FREM2: variants seen among roughly 807,000 people sequenced by gnomAD.
The protein encoded by FREM2 is FRAS1-related extracellular matrix protein 2.
In FREM2, 119 loss-of-function variants were observed where a neutral mutation model predicts 219.9. That is an observed-to-expected ratio of 0.54 (90% CI 0.47 to 0.63). The LOEUF is 0.63. Among genes scored for constraint, FREM2 ranks in the 30% least tolerant of loss-of-function variants. The pLI is 0.00. For missense variants in FREM2, 4,030 were observed against 3,993.6 expected, an observed-to-expected ratio of 1.01 and a Z score of -0.25; for synonymous variants, 1,562 against 1,522.8, an observed-to-expected ratio of 1.03 and a Z score of -0.60.
chr13:38,694,284 G>A (rs965832390), intron 1 of FREM2, among the ~76,000 whole-genome samples: 3 of 152,132 alleles, frequency 2.0e-5, no homozygotes, highest in Non-Finnish European at 4.4e-5. Context: ...TGCTTATTAT[G>A]TGATGTGACT....
intron 2 of FREM2, among the ~76,000 whole-genome samples, chr13:38,722,760 TC>T (rs1258200878): frequency 4.0e-5 from 6 of 151,466 alleles, no homozygotes; most frequent in Non-Finnish European, 8.8e-5. Context: ...TTTTTTTTTT[TC>T]ATCCTACTGC....
At chr13:38,749,741 C>T (rs1229405260) in intron 2 of FREM2, among the ~76,000 whole-genome samples, 1 of 152,140 alleles carries the variant, frequency 6.6e-6, no homozygotes, top group East Asian at 1.9e-4. Flanking sequence ...AAACATTCCC[C>T]AAAGGGCAAA....
intron 6 of FREM2, among the ~76,000 whole-genome samples, chr13:38,793,080 T>C (rs1356389069): frequency 6.6e-6 from 1 of 152,218 alleles, no homozygotes; most frequent in Non-Finnish European, 1.5e-5. Flanking sequence ...AAATTTTTAT[T>C]TTACAATAAA....
At chr13:38,832,565 G>A (rs1266281924) in intron 6 of FREM2, among the ~76,000 whole-genome samples, 1 of 151,878 alleles carries the variant, frequency 6.6e-6, no homozygotes, top group African/African-American at 2.4e-5. Flanking sequence ...AAACTATGTA[G>A]TTTATTTTTA....
intron 2 of FREM2, among the ~76,000 whole-genome samples, chr13:38,717,290 T>A (rs927319989): frequency 6.6e-6 from 1 of 152,018 alleles, no homozygotes; most frequent in African/African-American, 2.4e-5. Context: ...CATGGAAGTA[T>A]ATAGAAGAAG....
chr13:38,691,203 T>A lies in FREM2; in HGVS notation c.3859T>A (p.Ser1287Thr), dbSNP rs772591273. 6 of 1,613,812 alleles carry A rather than the reference T, an allele frequency of 3.7e-6. No individual in the cohort carries two copies. The highest frequency in any genetic ancestry group is 5.1e-6 in the Non-Finnish European group (6 of 1,179,982). Residue 1287 changes from serine to threonine, a missense_variant, in exon 1 of 24, where the codon TCT becomes ACT. Ser to Thr is a moderately conservative substitution (Grantham distance 58, BLOSUM62 1). Transcript: ENST00000280481. ...GATTAAACTAACAGATGGGAAGCAC[T>A]CTGTGGAAAAGACGGTCCTCATTAT... ...FVIKLTDGKH[S>T]VEKTVLIIVI...
At chr13:38,802,621 C>G (rs1257417003) in intron 6 of FREM2, among the ~76,000 whole-genome samples, 1 of 152,166 alleles carries the variant, frequency 6.6e-6, no homozygotes, top group African/African-American at 2.4e-5. Flanking sequence ...TGTCTCTGCC[C>G]CTCCTTGGCA....
At chr13:38,801,982 G>A (rs1032295240) in intron 6 of FREM2, among the ~76,000 whole-genome samples, 11 of 152,092 alleles carry the variant, frequency 7.2e-5, no homozygotes, top group Non-Finnish European at 1.3e-4. Context: ...TGGTGATATC[G>A]GCAGGTTGGT....
intron 6 of FREM2, among the ~76,000 whole-genome samples, chr13:38,811,417 T>G (rs999079794): frequency 1.3e-5 from 2 of 152,062 alleles, no homozygotes; most frequent in South Asian, 2.1e-4. Context: ...GTTTTTTCTG[T>G]TTTTTGATGT....
chr13:38,867,722 G>A (rs1878022095), intron 16 of FREM2, among the ~76,000 whole-genome samples: 1 of 152,262 alleles, frequency 6.6e-6, no homozygotes, highest in Admixed American at 6.5e-5. Flanking sequence ...AGAACTGGGA[G>A]TTCTGATATC....
rs1878569559 is a variant in FREM2, at chr13:38,882,112, T to C, written c.*1325T>C. The stretch of plus-strand genomic sequence containing the variant: ...CATTCACCTCCCAAAGCCAAGGAAC[T>C]TGAGTGAGCTTCCTTGGCAAGCCTC... On this transcript the variant is annotated 3_prime_UTR_variant, in exon 24 of 24. Coordinates refer to ENST00000280481, the MANE Select transcript of FREM2 (RefSeq NM_207361.6). The C allele has an allele frequency of 2.0e-5, 3 of 152,168 alleles. No homozygotes were observed. In the South Asian group the frequency reaches 6.2e-4, roughly 32 times the overall value. The allele number at this position is 152,168 out of a possible 1,614,324, so 9.4% of individuals were successfully genotyped here. A position where few individuals can be genotyped will look rare whatever the true frequency, so the allele number is the denominator to read the frequency against.
rs200864241 is a variant in FREM2 at position 38,823,675 on chromosome 13, A to AAAT, written c.6020-22883_6020-22881dup. On this transcript the variant is annotated intron_variant, in intron 6 of 23. Coordinates refer to ENST00000280481, the MANE Select transcript of FREM2 (RefSeq NM_207361.6). The stretch of plus-strand genomic sequence containing the variant: ...CTCAAAATTCAGCTGCCAATAATTA[A>AAAT]AATAATAATAATAATAACTTATGGT... Among the ~76,000 whole-genome samples the AAAT allele has an allele frequency of 5.3e-3, 802 of 152,058 alleles. 36 individuals carry two copies. In the East Asian group the frequency reaches 0.11, roughly 20 times the overall value.
chr13:38,752,308 A>G (rs1012166305), intron 2 of FREM2, among the ~76,000 whole-genome samples: 2 of 152,212 alleles, frequency 1.3e-5, no homozygotes, highest in African/African-American at 4.8e-5. Flanking sequence ...ATAATGCTAT[A>G]TATGTCTTTT....
Position 38,691,758 on chromosome 13 carries a change from A to T in FREM2, c.4414A>T (p.Thr1472Ser), listed in dbSNP as rs1869877376. 3.7e-6 allele frequency: 6 copies of T among 1,614,034 alleles called. No individual in the cohort carries two copies. The East Asian group carries it at 1.3e-4, about 36-fold the overall frequency. Residue 1472 changes from threonine (T) to serine (S), a missense_variant, in exon 1 of 24, where the codon ACG becomes TCG. By Grantham distance (58) the Thr-to-Ser change is moderately conservative (BLOSUM62 1). Coordinates refer to ENST00000280481, the MANE Select transcript of FREM2 (RefSeq NM_207361.6). ...RAPMRGHLEC[T>S]DQPGVSITSF... Reference sequence around the variant, plus strand: ...TCCCATGCGAGGTCACCTGGAATGCACGGATCAGCCTGGTGTGTCCATCAC... The same window carrying T: ...TCCCATGCGAGGTCACCTGGAATGCTCGGATCAGCCTGGTGTGTCCATCAC...
intron 2 of FREM2, among the ~76,000 whole-genome samples, chr13:38,758,845 G>A (rs1042673222): frequency 6.6e-6 from 1 of 152,180 alleles, no homozygotes; most frequent in East Asian, 1.9e-4. Context: ...CTGTCTAAGA[G>A]AACAAGACTT....
At chr13:38,847,378 A>G (rs1022936030) in intron 7 of FREM2, among the ~76,000 whole-genome samples, 1 of 152,184 alleles carries the variant, frequency 6.6e-6, no homozygotes, top group Non-Finnish European at 1.5e-5. Context: ...TACACACATC[A>G]TGCATTCATC....
Position 38,861,498 on chromosome 13 carries a change from A to C in FREM2, c.7587A>C (p.Thr2529=). The change falls in exon 15 of 24, where the codon ACA becomes ACC. Residue 2529 remains threonine, a synonymous_variant. Transcript: ENST00000280481. ...CGTTCTCAGCTAAATTGCGCTACAC[A>C]GGCCCTGAGGATGCAGACTACACAA... ...AEPFSAKLRY[T]GPEDADYTNL... is the part of the protein sequence containing the mutation. The C allele has an allele frequency of 6.2e-7, 1 of 1,613,550 alleles. No individual in the cohort carries two copies. The highest frequency in any genetic ancestry group is 8.5e-7 in the Non-Finnish European group (1 of 1,179,790).
In FREM2 at chr13:38,861,537, C is replaced by T; in HGVS notation, c.7626C>T (p.Leu2542=). The stretch of plus-strand genomic sequence containing the variant: ...CAGACTACACAAACCTTATCAAGCT[C>T]ACTGTCACAATGCCACACATAGATG... The part of the protein sequence containing the change: ...EDADYTNLIK[L]TVTMPHIDGM... Residue 2542 remains leucine, a synonymous_variant, in exon 15 of 24, where the codon CTC becomes CTT. Transcript: ENST00000280481. 1.2e-6 allele frequency: 2 copies of T among 1,613,752 alleles called. No homozygotes were observed. Among genetic ancestry groups the T allele is most frequent in the South Asian group, 2.2e-5 (2 of 91,070 alleles).
chr13:38,795,163 G>A (rs545588841), intron 6 of FREM2, among the ~76,000 whole-genome samples: 11 of 151,914 alleles, frequency 7.2e-5, no homozygotes, highest in Admixed American at 3.3e-4. Context: ...CATGGAATCC[G>A]GAAAAAAATG....
Sources: gnomAD v4.1 joint callset for allele counts (sites outside exome capture counted in the v4.1 genomes callset) on GRCh38, gnomAD v4.1.1 for gene constraint, MANE v1.5 for transcripts, NCBI Gene and HGNC (gene_info 2026-07-23, HGNC 2026-07-21) for gene names.